Variants in SSBP3 observed in about 807,000 individuals in gnomAD.
SSBP3 encodes the protein single stranded DNA binding protein 3.
SSBP3 carries 5 observed loss-of-function variants against 69.6 expected under a neutral mutation model. The observed-to-expected ratio is 0.07, with a 90% CI of 0.04 to 0.15. The LOEUF (loss-of-function observed/expected upper bound fraction) is 0.15. Among genes scored for constraint, SSBP3 ranks in the 10% least tolerant of loss-of-function variants. SSBP3 has a pLI of 1.00. For synonymous variants in SSBP3, 196 were observed against 193.4 expected, an observed-to-expected ratio of 1.01 and a Z score of -0.11; for missense variants, 312 against 534.0, an observed-to-expected ratio of 0.58 and a Z score of 4.10.
At chr1:54,280,460 G>T (rs1033146652) in intron 5 of SSBP3, among the ~76,000 whole-genome samples, 7 of 152,192 alleles carry the variant, frequency 4.6e-5, no homozygotes, top group African/African-American at 1.7e-4. Flanking sequence ...CTGTACAGAG[G>T]AAATTTCTGC....
At chr1:54,234,375 TA>T (rs1169086974) in intron 14 of SSBP3, among the ~76,000 whole-genome samples, 3 of 151,144 alleles carry the variant, frequency 2.0e-5, no homozygotes, top group Admixed American at 6.6e-5. Context: ...TAAATAAAAA[TA>T]AAAAATAAAA....
intron 9 of SSBP3, among the ~76,000 whole-genome samples, chr1:54,248,787 C>T (rs376637388): frequency 2.1e-4 from 32 of 152,158 alleles, no homozygotes; most frequent in Non-Finnish European, 1.6e-4. Flanking sequence ...CTTCAAGGGA[C>T]GTTTGGCTCT....
intron 5 of SSBP3, among the ~76,000 whole-genome samples, chr1:54,280,543 T>C (rs1268897748): frequency 1.3e-5 from 2 of 152,184 alleles, no homozygotes; most frequent in Admixed American, 6.5e-5. Flanking sequence ...TGTGGAGAAC[T>C]CGGGCGGATT....
chr1:54,231,808 C>T (rs567608558), intron 14 of SSBP3, among the ~76,000 whole-genome samples: 123 of 152,336 alleles, frequency 8.1e-4, no homozygotes, highest in Non-Finnish European at 7.9e-4. Context: ...GATTCTCATG[C>T]GTCAGCCTCC....
At chr1:54,372,419 G>A (rs529285273) in intron 4 of SSBP3, among the ~76,000 whole-genome samples, 1 of 152,172 alleles carries the variant, frequency 6.6e-6, no homozygotes, top group African/African-American at 2.4e-5. Context: ...AGGCCCAGCA[G>A]CAACACCCCC....
chr1:54,274,931 A>G (rs1383760781), intron 5 of SSBP3, among the ~76,000 whole-genome samples: 2 of 141,404 alleles, frequency 1.4e-5, no homozygotes, highest in East Asian at 2.1e-4. Context: ...ACACTCCCCC[A>G]CCTCAATTCA....
At chr1:54,390,661 A>G (rs1263089321) in intron 4 of SSBP3, among the ~76,000 whole-genome samples, 2 of 152,224 alleles carry the variant, frequency 1.3e-5, no homozygotes, top group Non-Finnish European at 2.9e-5. Context: ...TGAAACCATC[A>G]ATTGGCCAAT....
At chr1:54,402,553 A>C (rs1041081850) in intron 3 of SSBP3, among the ~76,000 whole-genome samples, 5 of 151,914 alleles carry the variant, frequency 3.3e-5, no homozygotes, top group Non-Finnish European at 2.9e-5. Flanking sequence ...CCCTCAAGGA[A>C]TTCTTATGCA....
chr1:54,256,932 G>A (rs1156259915), intron 7 of SSBP3, among the ~76,000 whole-genome samples, 195 bp downstream of exon 7: 1 of 152,192 alleles, frequency 6.6e-6, no homozygotes, highest in Non-Finnish European at 1.5e-5. Flanking sequence ...ATCTGGAGAG[G>A]CAGGTGAACT....
At chr1:54,401,827 T>A (rs773290855) in intron 4 of SSBP3, 34 bp downstream of exon 4, 23 of 1,577,166 alleles carry the variant, frequency 1.5e-5, no homozygotes, top group Non-Finnish European at 2.0e-5. Flanking sequence ...TCCAACCCTA[T>A]AATTATTGCT....
intron 14 of SSBP3, among the ~76,000 whole-genome samples, chr1:54,233,645 GCCCGGCCGCC>G (rs1244002278): frequency 6.9e-5 from 10 of 145,452 alleles, no homozygotes; most frequent in South Asian, 4.4e-4. Flanking sequence ...GGGCGCCTCT[GCCCGGCCGCC>G]CCTACTGGGA....
chr1:54,248,009 C>T (rs1402786407), intron 9 of SSBP3, among the ~76,000 whole-genome samples: 4 of 152,180 alleles, frequency 2.6e-5, no homozygotes, highest in African/African-American at 9.7e-5. Context: ...GTTGCTGGTT[C>T]CTGTGAGACA....
At chr1:54,325,188 G>C (rs556236659) in intron 4 of SSBP3, among the ~76,000 whole-genome samples, 48 of 152,258 alleles carry the variant, frequency 3.2e-4, no homozygotes, top group Non-Finnish European at 6.3e-4. Flanking sequence ...ATCCCAGCAC[G>C]AGTCACTCCA....
intron 4 of SSBP3, among the ~76,000 whole-genome samples, chr1:54,380,670 C>T (rs1185182085): frequency 6.6e-6 from 1 of 152,144 alleles, no homozygotes; most frequent in African/African-American, 2.4e-5. Flanking sequence ...GCTGACTCAC[C>T]GGAAAAGGTG....
At chr1:54,322,683 C>T (rs556290786) in intron 4 of SSBP3, among the ~76,000 whole-genome samples, 36 of 152,036 alleles carry the variant, frequency 2.4e-4, no homozygotes, top group African/African-American at 8.7e-4. Flanking sequence ...AAGGGAATAC[C>T]CACTCTCTCC....
chr1:54,405,470 G>T (rs886072659), intron 1 of SSBP3: 3 of 159,170 alleles, frequency 1.9e-5, no homozygotes, highest in Admixed American at 5.9e-5. Context: ...CCGAGGACAG[G>T]GAAGGGAGAG....
intron 5 of SSBP3, among the ~76,000 whole-genome samples, chr1:54,271,035 T>C (rs1645183190): frequency 6.6e-6 from 1 of 152,206 alleles, no homozygotes; most frequent in South Asian, 2.1e-4. Context: ...CAGGCTTAGC[T>C]GCTGGTCAAC....
chr1:54,294,187 G>GAAAGAAAGA (rs1645663472), intron 4 of SSBP3, among the ~76,000 whole-genome samples: 1 of 106,160 alleles, frequency 9.4e-6, no homozygotes, highest in African/African-American at 3.7e-5. Flanking sequence ...AAGAAAGAAA[G>GAAAGAAAGA]AAAGAAAAGA....
chr1:54,401,485 G>A (rs1436352396), intron 4 of SSBP3, among the ~76,000 whole-genome samples: 1 of 152,096 alleles, frequency 6.6e-6, no homozygotes, highest in Non-Finnish European at 1.5e-5. Flanking sequence ...CAAAACGCAA[G>A]TTTCCTATTG....
Sources: gnomAD v4.1 joint callset for allele counts (sites outside exome capture counted in the v4.1 genomes callset) on GRCh38, gnomAD v4.1.1 for gene constraint, MANE v1.5 for transcripts, NCBI Gene and HGNC (gene_info 2026-07-23, HGNC 2026-07-21) for gene names.